Variants in SSBP2 observed in about 807,000 individuals in gnomAD.
The protein encoded by SSBP2 is single-stranded DNA-binding protein 2.
Under a neutral mutation model 61.8 loss-of-function variants are expected in SSBP2, and 17 were observed. The observed-to-expected ratio is 0.28, with a 90% CI of 0.19 to 0.41. The LOEUF (loss-of-function observed/expected upper bound fraction) is 0.41, where lower values mean the gene tolerates loss of function less well. Among genes scored for constraint, SSBP2 ranks in the 10% least tolerant of loss-of-function variants. The pLI is 1.00. For missense variants in SSBP2, 310 were observed against 458.7 expected (o/e 0.68, Z 2.96); for synonymous variants, 139 against 141.3 (o/e 0.98, Z 0.12).
intron 15 of SSBP2, among the ~76,000 whole-genome samples, chr5:81,433,802 A>G (rs929997678): frequency 6.6e-6 from 1 of 152,252 alleles, no homozygotes; most frequent in Non-Finnish European, 1.5e-5. Flanking sequence ...GAGTTTTACT[A>G]GGTAATGCTC....
intron 6 of SSBP2, among the ~76,000 whole-genome samples, chr5:81,488,407 A>G (rs1347160576): frequency 6.6e-6 from 1 of 152,104 alleles, no homozygotes; most frequent in Non-Finnish European, 1.5e-5. Context: ...TTTTGATAAT[A>G]GCCATCCTTA....
chr5:81,541,990 G>A (rs1013759592), intron 4 of SSBP2, among the ~76,000 whole-genome samples: 2 of 152,202 alleles, frequency 1.3e-5, no homozygotes, highest in African/African-American at 4.8e-5. Flanking sequence ...CCAACCTACA[G>A]AATGGGAGAA....
At chr5:81,659,852 A>G (rs1750537590) in intron 1 of SSBP2, among the ~76,000 whole-genome samples, 1 of 152,186 alleles carries the variant, frequency 6.6e-6, no homozygotes, top group African/African-American at 2.4e-5. Context: ...GACCAATGGA[A>G]AAGAACAGAG....
intron 1 of SSBP2, among the ~76,000 whole-genome samples, chr5:81,699,293 A>G (rs1753801215): frequency 1.3e-5 from 2 of 152,036 alleles, no homozygotes; most frequent in Admixed American, 6.5e-5. Flanking sequence ...GCATTGATTG[A>G]CTCTTCCTTG....
chr5:81,463,681 A>T (rs964118947), intron 9 of SSBP2, among the ~76,000 whole-genome samples: 1 of 152,058 alleles, frequency 6.6e-6, no homozygotes, highest in African/African-American at 2.4e-5. Flanking sequence ...ACCTGGGTGC[A>T]GAAGTCTGCA....
chr5:81,469,378 C>G (rs886822171), intron 8 of SSBP2, among the ~76,000 whole-genome samples: 18 of 151,216 alleles, frequency 1.2e-4, no homozygotes, highest in African/African-American at 4.1e-4. Context: ...ACTGCTAACT[C>G]TTTTTTTTTC....
intron 1 of SSBP2, among the ~76,000 whole-genome samples, chr5:81,692,133 T>C (rs753002236): frequency 1.3e-5 from 2 of 152,146 alleles, no homozygotes; most frequent in African/African-American, 4.8e-5. Flanking sequence ...CAAAAGACTA[T>C]TGGAAGTGAC....
intron 3 of SSBP2, chr5:81,616,394 C>T (rs1402462820): frequency 6.9e-6 from 1 of 144,020 alleles, no homozygotes; most frequent in African/African-American, 2.6e-5. Flanking sequence ...CTTTTCAGAC[C>T]GGCTTAAGAA....
chr5:81,446,163 G>T (rs775150064), intron 12 of SSBP2, among the ~76,000 whole-genome samples: 1 of 151,802 alleles, frequency 6.6e-6, no homozygotes, highest in East Asian at 1.9e-4. Context: ...CACATGGTAT[G>T]AACCTTTTCA....
Position 81,650,332 on chromosome 5 carries a change from G to A in SSBP2, c.70C>T (p.Leu24Phe). Residue 24 changes from leucine to phenylalanine, a missense_variant, in exon 2 of 17, where the codon CTC becomes TTC. By Grantham distance (22) the Leu-to-Phe change is conservative. Transcript: ENST00000320672. ...TGGAGCAGATATTCATATACGTAGAGTGCTAACCTGGAAAACAAATAAAAT... is the reference window on the plus strand; with the variant it reads ...TGGAGCAGATATTCATATACGTAGAATGCTAACCTGGAAAACAAATAAAAT... The A allele has an allele frequency of 1.3e-6, 2 of 1,563,728 alleles. No homozygotes were observed. Among genetic ancestry groups the A allele is most frequent in the Non-Finnish European group, 1.7e-6 (2 of 1,157,940 alleles).
chr5:81,439,190 A>T (rs796959097), intron 14 of SSBP2, among the ~76,000 whole-genome samples: 78 of 152,322 alleles, frequency 5.1e-4, no homozygotes, highest in African/African-American at 1.8e-3. Flanking sequence ...TTACTCATGA[A>T]CATATTTTTT....
chr5:81,677,923 C>T (rs1397902676), intron 1 of SSBP2, among the ~76,000 whole-genome samples: 1 of 151,838 alleles, frequency 6.6e-6, no homozygotes, highest in East Asian at 1.9e-4. Flanking sequence ...AAAAGGCTTT[C>T]CCTCCCCCAA....
At chr5:81,741,783 C>T (rs1222179092) in intron 1 of SSBP2, among the ~76,000 whole-genome samples, 1 of 152,204 alleles carries the variant, frequency 6.6e-6, no homozygotes, top group Non-Finnish European at 1.5e-5. Flanking sequence ...AGCTTTCACT[C>T]ATGATGTGGC....
intron 6 of SSBP2, among the ~76,000 whole-genome samples, chr5:81,488,010 A>ATATATATATAT: frequency 2.6e-5 from 1 of 38,938 alleles, no homozygotes; most frequent in South Asian, 1.3e-3. Flanking sequence ...ATGGCCAAAT[A>ATATATATATAT]ATATATATAT....
chr5:81,710,897 T>C (rs1380089634), intron 1 of SSBP2: 1 of 267,322 alleles, frequency 3.7e-6, no homozygotes, highest in Admixed American at 4.9e-5. Flanking sequence ...AAGTAAATCT[T>C]TTTCCAAGAT....
rs561000780 is a variant in SSBP2 at position 81,462,114 on chromosome 5, A to T, written c.639-1011T>A. On this transcript the variant is annotated intron_variant, in intron 9 of 16. Transcript: ENST00000320672. ...CTTCCTTGGGCCACACTGGAAGAAGAACTGTCTTGGGCTACACATAAAATA... is the reference window on the plus strand; with the variant it reads ...CTTCCTTGGGCCACACTGGAAGAAGTACTGTCTTGGGCTACACATAAAATA... Among the ~76,000 whole-genome samples, 42 of 152,340 alleles carry T rather than the reference A, an allele frequency of 2.8e-4. 1 individual carries two copies. Among genetic ancestry groups the T allele is most frequent in the Admixed American group, 2.4e-3 (37 of 15,292 alleles).
At chr5:81,623,839 A>T (rs942711255) in intron 3 of SSBP2, among the ~76,000 whole-genome samples, 1 of 152,140 alleles carries the variant, frequency 6.6e-6, no homozygotes, top group African/African-American at 2.4e-5. Context: ...GATTTAGTGG[A>T]AGGTCAAATA....
chr5:81,435,551 G>A (rs1717777133), intron 15 of SSBP2, among the ~76,000 whole-genome samples: 3 of 152,168 alleles, frequency 2.0e-5, no homozygotes, highest in African/African-American at 7.2e-5. Context: ...ACTTGTATCC[G>A]AAAACAGGCA....
chr5:81,534,635 T>A (rs1242676573), intron 4 of SSBP2, among the ~76,000 whole-genome samples: 1 of 152,018 alleles, frequency 6.6e-6, no homozygotes, highest in Non-Finnish European at 1.5e-5. Context: ...AGCTTGAGGA[T>A]GTGGCAATAG....
Sources: allele counts gnomAD v4.1 joint callset (sites outside exome capture counted in the v4.1 genomes callset), GRCh38; gene constraint gnomAD v4.1.1; transcripts MANE v1.5; gene names NCBI Gene and HGNC (gene_info 2026-07-23, HGNC 2026-07-21).